KNG1: variants seen among roughly 807,000 people sequenced by gnomAD.
The protein encoded by KNG1 is kininogen 1, also known as kininogen-1.
A neutral mutation model predicts 47.8 loss-of-function variants in KNG1; 23 were observed. The ratio of observed to expected loss-of-function variants is 0.48; its 90% CI spans 0.35 to 0.68. KNG1 has a LOEUF of 0.68. KNG1 is among the 30% of genes least tolerant of loss of function. The probability of loss-of-function intolerance (pLI) is 0.01; values close to 1 mark genes in which losing one functional copy is unlikely to be tolerated. For synonymous variants in KNG1, 277 were observed against 277.0 expected (o/e 1.00, Z 0.00); for missense variants, 762 against 790.2 (o/e 0.96, Z 0.43).
intron 4 of KNG1, 121 bp downstream of exon 4, chr3:186,725,381 C>T: frequency 1.0e-6 from 1 of 961,902 alleles, no homozygotes; most frequent in African/African-American, 1.6e-5. Flanking sequence ...AAGCGAAGAG[C>T]TTTCTCCTTA....
Position 186,725,110 on chromosome 3 carries a change from C to T in KNG1, c.414C>T (p.Ala138=), listed in dbSNP as rs2108622868. The part of the protein sequence containing the change: ...ITPAEGPVVT[A]QYDCLGCVHP... ...AAGCCGAGGGCCCTGTGGTGACAGC[C>T]CAGTACGACTGCCTCGGCTGTGTGC... The change falls in exon 4 of 10, where the codon GCC becomes GCT. Residue 138 remains alanine (A), a synonymous_variant. Transcript: ENST00000644859. The T allele has an allele frequency of 6.2e-7, 1 of 1,614,020 alleles. No individual in the cohort carries two copies. Among genetic ancestry groups the T allele is most frequent in the Non-Finnish European group, 8.5e-7 (1 of 1,180,000 alleles).
chr3:186,742,141 A>G lies in KNG1; in HGVS notation c.1745A>G (p.Gln582Arg). ...MMPPISPAPI[Q>R]SDDDWIPDIQ... ...CCTCCTATATCACCAGCTCCCATAC[A>G]GAGTGATGACGATTGGATCCCTGAT... Residue 582 changes from glutamine to arginine, a missense_variant, in exon 10 of 10, where the codon CAG (glutamine) becomes CGG (arginine). Transcript: ENST00000644859. The G allele has an allele frequency of 6.2e-7, 1 of 1,614,190 alleles. No homozygotes were observed. The highest frequency in any genetic ancestry group is 8.5e-7 in the Non-Finnish European group (1 of 1,180,028).
chr3:186,719,469 G>A (rs1444451190), intron 1 of KNG1, among the ~76,000 whole-genome samples: 3 of 152,160 alleles, frequency 2.0e-5, no homozygotes, highest in Non-Finnish European at 4.4e-5. Context: ...GGCCGGGCGC[G>A]GTGGCTCATG....
intron 6 of KNG1, among the ~76,000 whole-genome samples, chr3:186,732,101 G>T (rs1648699): frequency 6.6e-6 from 1 of 151,840 alleles, no homozygotes; most frequent in East Asian, 1.9e-4. Context: ...TTTTCTCATA[G>T]TTGGAAAACG....
chr3:186,732,534 T>A lies in KNG1; in HGVS notation c.790T>A (p.Cys264Ser), dbSNP rs375647317. 8.1e-6 allele frequency: 13 copies of A among 1,614,012 alleles called. No individual in the cohort carries two copies. Among genetic ancestry groups the A allele is most frequent in the African/African-American group, 1.3e-5 (1 of 74,912 alleles). Residue 264 changes from cysteine to serine, a missense_variant, in exon 7 of 10, where the codon TGC becomes AGC. Coordinates refer to ENST00000644859, the MANE Select transcript of KNG1 (RefSeq NM_001102416.3). ...KDFVQPPTKI[C>S]VGCPRDIPTN... ...TTTTGTACAACCACCTACCAAGATT[T>A]GCGTGGGCTGCCCCAGAGATATACC...
chr3:186,724,239 G>C (rs1430541924), intron 3 of KNG1, among the ~76,000 whole-genome samples: 1 of 152,144 alleles, frequency 6.6e-6, no homozygotes, highest in Non-Finnish European at 1.5e-5. Context: ...CCTCCTGGCT[G>C]TGTTTACCGC....
At chr3:186,728,179 T>G (rs1417982715) in intron 5 of KNG1, among the ~76,000 whole-genome samples, 1 of 152,194 alleles carries the variant, frequency 6.6e-6, no homozygotes, top group Non-Finnish European at 1.5e-5. Context: ...AAATGGTATA[T>G]CTCAAGGTAG....
intron 9 of KNG1, among the ~76,000 whole-genome samples, chr3:186,740,343 G>A (rs964771870): frequency 6.6e-6 from 1 of 152,068 alleles, no homozygotes; most frequent in Non-Finnish European, 1.5e-5. Flanking sequence ...CCACATTTTC[G>A]AGTCCTCCTT....
chr3:186,724,755 G>A (rs5030014), intron 3 of KNG1, among the ~76,000 whole-genome samples: 21 of 151,568 alleles, frequency 1.4e-4, no homozygotes, highest in South Asian at 6.3e-4. Flanking sequence ...GAGTGCAGTC[G>A]CATGATCTCG....
intron 5 of KNG1, 53 bp downstream of exon 5, chr3:186,727,397 G>GA (rs3841557): frequency 0.22 from 263,868 of 1,173,276 alleles, 31,054 homozygotes; most frequent in South Asian, 0.33. Context: ...TTTACATTTT[G>GA]TGGTAACTAT....
intron 2 of KNG1, among the ~76,000 whole-genome samples, chr3:186,721,567 A>T (rs1720198434): frequency 6.6e-6 from 1 of 152,228 alleles, no homozygotes. Flanking sequence ...ACTCTAAGAG[A>T]TAGATGTATC....
At chr3:186,736,770 G>C (rs1251836937) in intron 7 of KNG1, 8 of 152,222 alleles carry the variant, frequency 5.3e-5, no homozygotes, top group African/African-American at 1.4e-4. Context: ...ACCAGTTGAG[G>C]CCAGGCGTGG....
chr3:186,725,362 T>A, intron 4 of KNG1, 102 bp downstream of exon 4: 1 of 1,165,332 alleles, frequency 8.6e-7, no homozygotes, highest in Non-Finnish European at 1.3e-6. Flanking sequence ...TTCATGTGAC[T>A]AGCACAGGAA....
rs5030086 is a variant in KNG1, at chr3:186,741,986, C to T, written c.1590C>T (p.Asp530=). The T allele has an allele frequency of 0.032, 51,540 of 1,614,088 alleles. 936 individuals are homozygous for T. Among genetic ancestry groups the T allele is most frequent in the African/African-American group, 0.065 (4,894 of 75,022 alleles). The change falls in exon 10 of 10, where the codon GAC becomes GAT. Residue 530 remains aspartate (D), a synonymous_variant. Coordinates refer to ENST00000644859, the MANE Select transcript of KNG1 (RefSeq NM_001102416.3). ...AGCATTTGGCAAGCTCTTCTGAAGACAGTACTACACCTTCTGCACAGACAC... is the reference window on the plus strand; with the variant it reads ...AGCATTTGGCAAGCTCTTCTGAAGATAGTACTACACCTTCTGCACAGACAC... The part of the protein sequence containing the change: ...KTEHLASSSE[D]STTPSAQTQE...
At chr3:186,722,360 C>A in intron 2 of KNG1, 77 bp from the exon 3 acceptor site, 1 of 1,188,862 alleles carries the variant, frequency 8.4e-7, no homozygotes, top group Non-Finnish European at 1.2e-6. Context: ...TTAAGGAAAG[C>A]CACATTTAGC....
At position 186,743,866 on chromosome 3, in the gene KNG1, G is replaced by A; in HGVS notation, c.*1535G>A. 1.0e-6 allele frequency: 1 copy of A among 959,956 alleles called. No homozygotes were observed. Among genetic ancestry groups the A allele is most frequent in the African/African-American group, 1.6e-5 (1 of 62,408 alleles). 59.5% of individuals were successfully genotyped at this position (959,956 alleles called of 1,614,324 possible). ...CCTTGAGAGGAAGGACAAGAAGAAA[G>A]ATGGGATAGAATTTAAATAGAGAAG... On this transcript the variant is annotated 3_prime_UTR_variant, in exon 10 of 10. Coordinates refer to ENST00000644859, the MANE Select transcript of KNG1 (RefSeq NM_001102416.3).
chr3:186,743,951 C>G lies in KNG1; in HGVS notation c.*1620C>G, dbSNP rs151329224. 8.6e-4 allele frequency: 585 copies of G among 676,688 alleles called. 6 individuals carry two copies. Among genetic ancestry groups the G allele is most frequent in the Middle Eastern group, 1.4e-3 (4 of 2,916 alleles). 41.9% of individuals were successfully genotyped at this position (676,688 alleles called of 1,614,324 possible). Reference sequence around the variant, plus strand: ...AAAGATCAGTCTTGATGTTCTAACTCTAATTCACAGTGGTCTCCTTTCAGC... The same window carrying G: ...AAAGATCAGTCTTGATGTTCTAACTGTAATTCACAGTGGTCTCCTTTCAGC... On this transcript the variant is annotated 3_prime_UTR_variant, in exon 10 of 10. Coordinates refer to ENST00000644859, the MANE Select transcript of KNG1 (RefSeq NM_001102416.3).
In KNG1 at chr3:186,744,091, C is replaced by T. The variant is rs756543362; in HGVS notation, c.*1760C>T. 3.3e-5 allele frequency: 14 copies of T among 419,404 alleles called. No homozygotes were observed. The Middle Eastern group carries it at 2.1e-3, about 62-fold the overall frequency. The allele number at this position is 419,404 out of a possible 1,614,324, so 26.0% of individuals were successfully genotyped here. On this transcript the variant is annotated 3_prime_UTR_variant, in exon 10 of 10. Coordinates refer to ENST00000644859, the MANE Select transcript of KNG1 (RefSeq NM_001102416.3). Reference sequence around the variant, plus strand: ...CCTAGCCAAGGCAGAAGTCCTTAGGCGGGACTTCCTTACCACCACGGGTGC... The same window carrying T: ...CCTAGCCAAGGCAGAAGTCCTTAGGTGGGACTTCCTTACCACCACGGGTGC...
intron 9 of KNG1, among the ~76,000 whole-genome samples, chr3:186,740,985 TG>T (rs565098512): frequency 2.8e-4 from 42 of 149,354 alleles, no homozygotes; most frequent in African/African-American, 1.0e-3. Context: ...GTTTTTTTTT[TG>T]TTGTTGTTGT....
Sources: allele counts gnomAD v4.1 joint callset (sites outside exome capture counted in the v4.1 genomes callset), GRCh38; gene constraint gnomAD v4.1.1; transcripts MANE v1.5; gene names NCBI Gene and HGNC (gene_info 2026-07-23, HGNC 2026-07-21).